LST1: variants seen among roughly 807,000 people sequenced by gnomAD.
LST1 encodes the protein leukocyte specific transcript 1.
A neutral mutation model predicts 8.5 loss-of-function variants in LST1; 9 were observed. The ratio of observed to expected loss-of-function variants is 1.06; its 90% CI spans 0.64 to 1.85. The LOEUF (loss-of-function observed/expected upper bound fraction) is 1.85. LST1 is among the 40% of genes most tolerant of loss of function. The pLI is 0.00. For synonymous variants in LST1, 53 were observed against 50.4 expected (o/e 1.05, Z -0.21); for missense variants, 121 against 117.1 (o/e 1.03, Z -0.16).
Position 31,587,307 on chromosome 6 carries a change from C to G in LST1, c.8C>G (p.Ser3Trp). 29 of 1,612,656 alleles carry G rather than the reference C, an allele frequency of 1.8e-5. No homozygotes were observed. Among genetic ancestry groups the G allele is most frequent in the Non-Finnish European group, 2.5e-5 (29 of 1,178,718 alleles). The change falls in exon 2 of 5, where the codon TCG becomes TGG. Residue 3 changes from serine (S) to tryptophan (W), a missense_variant. Transcript: ENST00000438075. Reference sequence around the variant, plus strand: ...TCCCTGATCCCTGACCTAATGTTATCGCGGAATGATGGTAAGTAAAGTGTC... The same window carrying G: ...TCCCTGATCCCTGACCTAATGTTATGGCGGAATGATGGTAAGTAAAGTGTC... MLSRNDDICIYGG... is the reference protein window; with the variant it reads MLWRNDDICIYGG...
rs748409601 is a variant in LST1 at position 31,588,810 on chromosome 6, A to C, written c.*134A>C. On this transcript the variant is annotated 3_prime_UTR_variant, in exon 5 of 5. Coordinates refer to ENST00000438075, the MANE Select transcript of LST1 (RefSeq NM_205839.3). ...TCTCGAGCCTCCGTTCAAATTGATC[A>C]TCATCAAAACTTATGTGGCTTTTTG... The C allele has an allele frequency of 4.9e-5, 52 of 1,051,190 alleles. No homozygotes were observed. Among genetic ancestry groups the C allele is most frequent in the Non-Finnish European group, 2.3e-5 (16 of 689,340 alleles). 65.1% of individuals were successfully genotyped at this position (1,051,190 alleles called of 1,614,324 possible). A position where few individuals can be genotyped will look rare whatever the true frequency, so the allele number is the denominator to read the frequency against.
At chr6:31,588,008 T>G (rs1422802859) in intron 4 of LST1, 42 bp downstream of exon 4, 5 of 1,563,532 alleles carry the variant, frequency 3.2e-6, no homozygotes, top group Non-Finnish European at 4.3e-6. Flanking sequence ...AGAGAGATCC[T>G]GAGTGGGTGA....
rs774523148 is a variant in LST1, at chr6:31,587,654, C to A, written c.33C>A (p.Tyr11Ter). 37 of 1,600,328 alleles carry A rather than the reference C, an allele frequency of 2.3e-5. No homozygotes were observed. In the East Asian group the frequency reaches 6.0e-4, roughly 26 times the overall value. Residue 11 changes from tyrosine (Y) to a stop codon, truncating the protein, a stop_gained, in exon 3 of 5, where the codon TAC becomes TAA. Coordinates refer to ENST00000438075, the MANE Select transcript of LST1 (RefSeq NM_205839.3). LOFTEE classifies it high-confidence loss of function. ...TCTTCCCTGAAGATATATGTATCTA[C>A]GGGGGCCTGGGGCTGGGCGGGCTCC... MLSRNDDICI[Y>*]GGLGLGGLLL...
At chr6:31,588,479 G>A (rs762806381) in intron 4 of LST1, 39 bp from the exon 5 acceptor site, 85 of 1,558,546 alleles carry the variant, frequency 5.5e-5, no homozygotes, top group Non-Finnish European at 6.5e-5. Flanking sequence ...AGGATCTGAC[G>A]GCATCGCCTC....
intron 1 of LST1, 133 bp from the exon 2 acceptor site, chr6:31,587,067 G>C: frequency 1.7e-6 from 1 of 592,618 alleles, no homozygotes; most frequent in Non-Finnish European, 3.0e-6. Flanking sequence ...CTTTACTTGG[G>C]CAACGGGCAC....
rs747204109 is a variant in LST1 at position 31,588,641 on chromosome 6, G to C, written c.259G>C (p.Asp87His). The C allele has an allele frequency of 1.2e-6, 2 of 1,613,170 alleles. No individual in the cohort carries two copies. The highest frequency in any genetic ancestry group is 1.6e-4 in the Middle Eastern group (1 of 6,062). Residue 87 changes from aspartate to histidine, a missense_variant, in exon 5 of 5, where the codon GAC (aspartate) becomes CAC (histidine). Asp to His is a moderately conservative substitution (Grantham distance 81). Coordinates refer to ENST00000438075, the MANE Select transcript of LST1 (RefSeq NM_205839.3). ...KRGTKEDPRA[D>H]YACIAENKPT ...AGGCACCAAGGAGGATCCAAGAGCT[G>C]ACTATGCCTGCATTGCTGAGAACAA... is the stretch of plus-strand genomic sequence containing the variant.
At chr6:31,587,502 G>T (rs1772053937) in intron 2 of LST1, 139 bp from the exon 3 acceptor site, 1 of 829,258 alleles carries the variant, frequency 1.2e-6, no homozygotes, top group Non-Finnish European at 2.0e-6. Context: ...TAAGGTCTGG[G>T]ATGGAGAAGC....
Position 31,587,210 on chromosome 6 carries a change from TGAGGCAAG to T in LST1, c.-89_-82del, listed in dbSNP as rs1312937290. On this transcript the variant is annotated 5_prime_UTR_variant, in exon 2 of 5. An upstream open reading frame in the 5' UTR loses its in-frame stop. Coordinates refer to ENST00000438075, the MANE Select transcript of LST1 (RefSeq NM_205839.3). ...CCCCTCACTTCACAGATGAGGAACT[TGAGGCAAG>T]TCACCAGCCCCTGATCATTTCGCCT... 1 of 863,258 alleles carries T rather than the reference TGAGGCAAG, an allele frequency of 1.2e-6. No individual in the cohort carries two copies. The highest frequency in any genetic ancestry group is 2.0e-6 in the Non-Finnish European group (1 of 507,960). 53.5% of individuals were successfully genotyped at this position (863,258 alleles called of 1,614,324 possible). A position where few individuals can be genotyped will look rare whatever the true frequency, so the allele number is the denominator to read the frequency against.
Position 31,587,730 on chromosome 6 carries a change from A to C in LST1, c.109A>C (p.Arg37=). ...CGCCTGCCTGTGTTGGCTGCATCGA[A>C]GAGGTGAGCGCTGCACTCCCTCCCT... ...LSACLCWLHR[R]VKRLERSWAQ... Residue 37 remains arginine (R), a synonymous_variant, in exon 3 of 5, where the codon AGA becomes CGA. Coordinates refer to ENST00000438075, the MANE Select transcript of LST1 (RefSeq NM_205839.3). 6.3e-7 allele frequency: 1 copy of C among 1,594,722 alleles called. No individual in the cohort carries two copies. Among genetic ancestry groups the C allele is most frequent in the Admixed American group, 1.7e-5 (1 of 57,778 alleles).
At chr6:31,587,398 C>T in intron 2 of LST1, 80 bp downstream of exon 2, 3 of 1,514,544 alleles carry the variant, frequency 2.0e-6, no homozygotes, top group Non-Finnish European at 2.8e-6. Context: ...ATGTATGCAG[C>T]TCATGACTAG....
rs1008534926 is a variant in LST1, at chr6:31,587,464, C to A, written c.19+146C>A. 19 of 998,300 alleles carry A rather than the reference C, an allele frequency of 1.9e-5. No homozygotes were observed. The African/African-American group carries it at 1.9e-4, about 10-fold the overall frequency. The allele number at this position is 998,300 out of a possible 1,614,324, so 61.8% of individuals were successfully genotyped here. On this transcript the variant is annotated intron_variant, in intron 2 of 4. Coordinates refer to ENST00000438075, the MANE Select transcript of LST1 (RefSeq NM_205839.3). ...GGAGGGAAAGGGACCTCACGGGAGG[C>A]CCAGAAACCTGGTAAGAGGTGAGGT...
At chr6:31,586,932 A>G in intron 1 of LST1, 1 of 330,230 alleles carries the variant, frequency 3.0e-6, no homozygotes. Flanking sequence ...TCCCCTCCAA[A>G]CCACGTGGTC....
chr6:31,588,838 C>A lies in LST1; in HGVS notation c.*162C>A. The A allele has an allele frequency of 1.1e-6, 1 of 926,196 alleles. No individual in the cohort carries two copies. Among genetic ancestry groups the A allele is most frequent in the South Asian group, 1.6e-5 (1 of 60,632 alleles). The allele number at this position is 926,196 out of a possible 1,614,324, so 57.4% of individuals were successfully genotyped here. A position where few individuals can be genotyped will look rare whatever the true frequency, so the allele number is the denominator to read the frequency against. ...ATCAAAACTTATGTGGCTTTTTGAC[C>A]TTTGAATAGGGAATTTTTTAAATTT... On this transcript the variant is annotated 3_prime_UTR_variant, in exon 5 of 5. Coordinates refer to ENST00000438075, the MANE Select transcript of LST1 (RefSeq NM_205839.3).
chr6:31,587,645 A>G lies in LST1; in HGVS notation c.24A>G (p.Ile8Met), dbSNP rs775509303. The G allele has an allele frequency of 2.1e-5, 34 of 1,594,634 alleles. No individual in the cohort carries two copies. In the Middle Eastern group the frequency reaches 5.1e-4, roughly 24 times the overall value. MLSRNDD[I>M]CIYGGLGLGG... ...CTTGAGCCCTCTTCCCTGAAGATAT[A>G]TGTATCTACGGGGGCCTGGGGCTGG... The change falls in exon 3 of 5, where the codon ATA (isoleucine) becomes ATG (methionine). Residue 8 changes from isoleucine to methionine, a missense_variant. By Grantham distance (10) the Ile-to-Met change is conservative. Coordinates refer to ENST00000438075, the MANE Select transcript of LST1 (RefSeq NM_205839.3).
At chr6:31,588,480 G>A (rs763804608) in intron 4 of LST1, 38 bp from the exon 5 acceptor site, 1 of 1,559,710 alleles carries the variant, frequency 6.4e-7, no homozygotes, top group African/African-American at 1.4e-5. Flanking sequence ...GGATCTGACG[G>A]CATCGCCTCC....
chr6:31,588,395 AG>A, intron 4 of LST1, 122 bp from the exon 5 acceptor site: 8 of 921,680 alleles, frequency 8.7e-6, no homozygotes, highest in South Asian at 1.7e-5. Flanking sequence ...AGAGAGAGAG[AG>A]AGAGAGGGAG....
chr6:31,588,590 C>A lies in LST1; in HGVS notation c.208C>A (p.Pro70Thr). 6.2e-7 allele frequency: 1 copy of A among 1,612,968 alleles called. No individual in the cohort carries two copies. The highest frequency in any genetic ancestry group is 8.5e-7 in the Non-Finnish European group (1 of 1,179,932). ...QRLPVPSSEG[P>T]DLRGRDKRGT... ...GCTGCCAGTGCCCAGCAGTGAGGGA[C>A]CTGACCTCAGGGGCAGAGACAAGAG... is the stretch of plus-strand genomic sequence containing the variant. The change falls in exon 5 of 5, where the codon CCT (proline) becomes ACT (threonine). Residue 70 changes from proline (P) to threonine (T), a missense_variant. Physicochemically the swap from Pro to Thr is conservative, Grantham distance 38. Transcript: ENST00000438075.
intron 3 of LST1, 94 bp from the exon 4 acceptor site, chr6:31,587,850 A>G: frequency 6.4e-7 from 1 of 1,551,426 alleles, no homozygotes; most frequent in South Asian, 1.2e-5. Context: ...TGGGAAGCCA[A>G]CAGGGGAGTC....
intron 4 of LST1, 119 bp from the exon 5 acceptor site, chr6:31,588,399 A>G (rs61209881): frequency 0.085 from 67,023 of 784,272 alleles, 1,501 homozygotes; most frequent in African/African-American, 0.22. Flanking sequence ...AGAGAGAGAG[A>G]GAGGGAGAGA....
Sources: allele counts gnomAD v4.1 joint callset, GRCh38; gene constraint gnomAD v4.1.1; transcripts MANE v1.5; gene names NCBI Gene and HGNC (gene_info 2026-07-23, HGNC 2026-07-21).